The following MAX variants were observed in gnomAD, a reference collection of about 807,000 sequenced individuals.
MAX encodes MYC associated transcriptional regulator X.
A neutral mutation model predicts 22.3 loss-of-function variants in MAX; 3 were observed. The observed-to-expected ratio is 0.13, with a 90% CI of 0.06 to 0.35. MAX has a LOEUF of 0.35. Ranked by LOEUF, MAX falls within the 10% of genes least tolerant of loss-of-function variation. MAX has a pLI of 1.00. For synonymous variants in MAX, 72 were observed against 77.7 expected, an observed-to-expected ratio of 0.93 and a Z score of 0.39; for missense variants, 119 against 209.4, an observed-to-expected ratio of 0.57 and a Z score of 2.66.
Position 65,077,099 on chromosome 14 carries a change from C to T in MAX, c.296-436G>A. ...CAGCCAAAGAACAGTTTTGGCTTAG[C>T]TCTCGTGTACAAGATCCACTTGGAA... is the stretch of plus-strand genomic sequence containing the variant. On this transcript the variant is annotated intron_variant, in intron 4 of 4. Transcript: ENST00000358664. The surrounding 1 kb of genome is among the most constrained non-coding windows in gnomAD (Gnocchi z 6.3). 1 of 585,754 alleles carries T rather than the reference C, an allele frequency of 1.7e-6. No individual in the cohort carries two copies. Among genetic ancestry groups the T allele is most frequent in the Non-Finnish European group, 3.0e-6 (1 of 331,762 alleles). 36.3% of individuals were successfully genotyped at this position (585,754 alleles called of 1,614,324 possible).
chr14:65,072,437 T>G (rs961738519), downstream of MAX, among the ~76,000 whole-genome samples: 1 of 152,124 alleles, frequency 6.6e-6, no homozygotes, highest in African/African-American at 2.4e-5. Context: ...CAAGCCCGCC[T>G]CCCCCACCTT....
downstream of MAX, among the ~76,000 whole-genome samples, chr14:65,074,335 T>C (rs1459564712): frequency 6.6e-6 from 1 of 152,232 alleles, no homozygotes; most frequent in Non-Finnish European, 1.5e-5. Flanking sequence ...ATTTTTCTTT[T>C]CCTTAATGTA....
At position 65,069,519 on chromosome 14, in the gene MAX, A is replaced by G. The variant is rs1382933114; in HGVS notation, c.171+24189T>C. ...CTTTATAAGCTGCCTAGATTGCCCC[A>G]GTAGCCAGCACAATGCTGGGCTGAG... On this transcript the variant is annotated intron_variant, in intron 3 of 3. Coordinates refer to the MAX transcript ENST00000341653. This position sits in a 1 kb window ranked among gnomAD's most constrained non-coding sequence, Gnocchi z 4.6. Among the ~76,000 whole-genome samples the G allele has an allele frequency of 1.3e-5, 2 of 152,212 alleles. No homozygotes were observed. The highest frequency in any genetic ancestry group is 2.4e-5 in the African/African-American group (1 of 41,460).
rs1015177177 is a variant in MAX at position 65,092,277 on chromosome 14, G to A, written c.171+1431C>T. Among the ~76,000 whole-genome samples the A allele has an allele frequency of 6.6e-5, 10 of 152,132 alleles. No individual in the cohort carries two copies. The East Asian group carries it at 1.3e-3, about 20-fold the overall frequency. On this transcript the variant is annotated intron_variant, in intron 3 of 4. Transcript: ENST00000358664. ...GTAGTGAATCGTATGTGGGTGGTCC[G>A]CAACTCACCCCTTGAGAAACACTGC... is the stretch of plus-strand genomic sequence containing the variant.
chr14:65,087,917 T>C (rs1337511460), intron 3 of MAX, among the ~76,000 whole-genome samples: 1 of 152,160 alleles, frequency 6.6e-6, no homozygotes, highest in Admixed American at 6.5e-5. Context: ...GGTAATTGAA[T>C]CACGGGGACA....
At chr14:65,019,344 A>G (rs937749502) in intron 3 of MAX, among the ~76,000 whole-genome samples, 1 of 151,628 alleles carries the variant, frequency 6.6e-6, no homozygotes, top group Non-Finnish European at 1.5e-5. Context: ...AAAAATAGCC[A>G]GATGTGGTGG....
intron 3 of MAX, among the ~76,000 whole-genome samples, chr14:65,063,710 GCA>G (rs2062901694): frequency 6.6e-6 from 1 of 152,134 alleles, no homozygotes; most frequent in African/African-American, 2.4e-5. Flanking sequence ...GACCACAGGT[GCA>G]CACCACCACA....
In MAX at chr14:65,093,642, T is replaced by G; in HGVS notation, c.171+66A>C. On this transcript the variant is annotated intron_variant, in intron 3 of 4. Coordinates refer to ENST00000358664, the MANE Select transcript of MAX (RefSeq NM_002382.5). The surrounding 1 kb of genome is among the most constrained non-coding windows in gnomAD (Gnocchi z 4.4). ...TTTCCTTCCCAATAGGTGAGTGCTCTGCTAAGCTCTGCAACAAGTTCCAAG... is the reference window on the plus strand; with the variant it reads ...TTTCCTTCCCAATAGGTGAGTGCTCGGCTAAGCTCTGCAACAAGTTCCAAG... The G allele has an allele frequency of 1.2e-6, 1 of 863,174 alleles. No homozygotes were observed. Among genetic ancestry groups the G allele is most frequent in the Admixed American group, 1.7e-5 (1 of 58,500 alleles). 53.5% of individuals were successfully genotyped at this position (863,174 alleles called of 1,614,324 possible). A position where few individuals can be genotyped will look rare whatever the true frequency, so the allele number is the denominator to read the frequency against.
chr14:65,085,808 G>GCCCCACACACCCCAA (rs2063318344), intron 3 of MAX, among the ~76,000 whole-genome samples: 1 of 152,138 alleles, frequency 6.6e-6, no homozygotes, highest in African/African-American at 2.4e-5. Flanking sequence ...AAGTCACCTG[G>GCCCCACACACCCCAA]GCAGTGTGGC....
chr14:65,014,781 T>C lies in MAX; in HGVS notation c.172-8497A>G, dbSNP rs991781783. 1.3e-5 allele frequency among the ~76,000 whole-genome samples: 2 copies of C among 152,164 alleles called. No individual in the cohort carries two copies. The highest frequency in any genetic ancestry group is 4.8e-5 in the African/African-American group (2 of 41,442). ...GTGAGCTGAGATCATACCACTGCAC[T>C]CTAGCCTGGGTGACAGAGCGAGACC... On this transcript the variant is annotated intron_variant, in intron 3 of 3. Transcript: ENST00000341653. The surrounding 1 kb of genome is among the most constrained non-coding windows in gnomAD (Gnocchi z 5.1).
In MAX at chr14:65,044,247, T is replaced by G; in HGVS notation, c.172-37963A>C. 1.2e-6 allele frequency: 2 copies of G among 1,606,682 alleles called. No individual in the cohort carries two copies. The highest frequency in any genetic ancestry group is 1.7e-6 in the Non-Finnish European group (2 of 1,177,136). On this transcript the variant is annotated intron_variant, in intron 3 of 3. Coordinates refer to the MAX transcript ENST00000341653. This position sits in a 1 kb window ranked among gnomAD's most constrained non-coding sequence, Gnocchi z 5.5. The stretch of plus-strand genomic sequence containing the variant: ...CATCCCACAGATTGACTCCTGGAGA[T>G]TCTGTCGGGCTGGATTTTGTCTCTT...
At chr14:65,072,307 C>G (rs940271152), downstream of MAX, among the ~76,000 whole-genome samples, 3 of 152,144 alleles carry the variant, frequency 2.0e-5, no homozygotes, top group Admixed American at 6.5e-5. Context: ...GTAGGCAGCC[C>G]TCAGCTTTCT....
At chr14:65,016,487 C>T (rs564628343) in intron 3 of MAX, 1 of 152,366 alleles carries the variant, frequency 6.6e-6, no homozygotes, top group South Asian at 2.1e-4. Flanking sequence ...CTCTGGTGCT[C>T]TTGAGGTCGA....
intron 3 of MAX, among the ~76,000 whole-genome samples, chr14:65,055,064 C>T (rs2062700996): frequency 6.6e-6 from 1 of 152,246 alleles, no homozygotes; most frequent in Admixed American, 6.5e-5. Flanking sequence ...GCTGTACAGC[C>T]TGCCGCGTCT....
At chr14:65,063,182 C>G (rs1043768346) in intron 3 of MAX, among the ~76,000 whole-genome samples, 7 of 152,186 alleles carry the variant, frequency 4.6e-5, no homozygotes, top group Non-Finnish European at 4.4e-5. Context: ...GTAAATAAGC[C>G]AAATGCACAT....
intron 3 of MAX, among the ~76,000 whole-genome samples, chr14:65,041,557 C>G (rs973996564): frequency 6.6e-6 from 1 of 152,158 alleles, no homozygotes; most frequent in Non-Finnish European, 1.5e-5. Context: ...GCATGTACCC[C>G]CTGACCATGA....
chr14:65,051,139 C>CT (rs2062599023), intron 3 of MAX, among the ~76,000 whole-genome samples: 1 of 152,220 alleles, frequency 6.6e-6, no homozygotes, highest in African/African-American at 2.4e-5. Flanking sequence ...TCCTGTGTCT[C>CT]TTAATGGGTG....
chr14:65,034,232 C>G (rs2062144753), intron 3 of MAX, among the ~76,000 whole-genome samples: 1 of 152,218 alleles, frequency 6.6e-6, no homozygotes, highest in South Asian at 2.1e-4. Flanking sequence ...ACAGATTGCT[C>G]TCAGCTTGCT....
rs527627959 is a variant in MAX, at chr14:65,058,895, T to C, written c.171+34813A>G. Among the ~76,000 whole-genome samples, 7 of 152,348 alleles carry C rather than the reference T, an allele frequency of 4.6e-5. No homozygotes were observed. The East Asian group carries it at 1.3e-3, about 29-fold the overall frequency. ...GCCTAGTACTTTTATTTAGGATTTT[T>C]TTGCATGTACATTCATAAGAAAGAT... On this transcript the variant is annotated intron_variant, in intron 3 of 3. Coordinates refer to the MAX transcript ENST00000341653.
Sources: gnomAD v4.1 joint callset for allele counts (sites outside exome capture counted in the v4.1 genomes callset) on GRCh38, gnomAD v4.1.1 for gene constraint, Gnocchi (gnomAD v3.1) non-coding constraint, MANE v1.5 for transcripts, NCBI Gene and HGNC (gene_info 2026-07-23, HGNC 2026-07-21) for gene names.